The following PGBD2 variants were observed in gnomAD, a reference collection of about 807,000 sequenced individuals.
The protein encoded by PGBD2 is piggyBac transposable element-derived protein 2.
PGBD2 carries 6 observed loss-of-function variants against 8.1 expected under a neutral mutation model. That is an observed-to-expected ratio of 0.74 (90% CI 0.40 to 1.46). PGBD2 has a LOEUF of 1.46. Among genes scored for constraint, PGBD2 ranks in the 40% most tolerant of loss-of-function variants. PGBD2 has a pLI of 0.02. For synonymous variants in PGBD2, 318 were observed against 272.2 expected (o/e 1.17, Z -1.66); for missense variants, 802 against 739.0 (o/e 1.09, Z -0.99).
At chr1:248,922,746 T>C (rs1242798708), downstream of PGBD2, among the ~76,000 whole-genome samples, 1 of 152,220 alleles carries the variant, frequency 6.6e-6, no homozygotes, top group Non-Finnish European at 1.5e-5. Flanking sequence ...TCTGTTTATG[T>C]GGTGGATTAC....
At chr1:248,908,402 G>A (rs913943837) in intron 1 of PGBD2, among the ~76,000 whole-genome samples, 3 of 152,152 alleles carry the variant, frequency 2.0e-5, no homozygotes, top group Admixed American at 6.5e-5. Context: ...TTAGTGAATG[G>A]CACCTCTGTG....
upstream of PGBD2, among the ~76,000 whole-genome samples, chr1:248,901,272 C>T (rs1055993767): frequency 5.9e-5 from 9 of 151,906 alleles, no homozygotes; most frequent in East Asian, 1.9e-4. Context: ...AAAAAAAAGT[C>T]CTAATAGCCA....
rs1439790897 is a variant in PGBD2, at chr1:248,918,700, G to T, written c.*337G>T. 1 of 168,540 alleles carries T rather than the reference G, an allele frequency of 5.9e-6. No individual in the cohort carries two copies. The highest frequency in any genetic ancestry group is 1.4e-5 in the Non-Finnish European group (1 of 69,180). The allele number at this position is 168,540 out of a possible 1,614,324, so 10.4% of individuals were successfully genotyped here. ...GGAAAACTTGCAAGAACAGTAAGAA[G>T]ACTTTACCATTGCATGCCATGGTTT... is the stretch of plus-strand genomic sequence containing the variant. On this transcript the variant is annotated 3_prime_UTR_variant, in exon 3 of 3. Transcript: ENST00000329291.
downstream of PGBD2, among the ~76,000 whole-genome samples, chr1:248,923,616 A>C (rs924002068): frequency 4.6e-5 from 7 of 152,248 alleles, no homozygotes; most frequent in African/African-American, 1.7e-4. Flanking sequence ...ACAAATAAAA[A>C]ACACTCTAGT....
chr1:248,896,507 C>T, the PGBD2 span, among the ~76,000 whole-genome samples: 6 of 152,048 alleles, frequency 3.9e-5, no homozygotes, highest in East Asian at 1.9e-4. Context: ...TGCAGTGGCA[C>T]GATCACAGCT....
the PGBD2 span, among the ~76,000 whole-genome samples, chr1:248,881,194 G>C: frequency 6.6e-6 from 1 of 152,268 alleles, no homozygotes; most frequent in Non-Finnish European, 1.5e-5. Flanking sequence ...AAGCAGTTTA[G>C]AAATGAGAGG....
chr1:248,907,014 CCA>C (rs1182233844), intron 1 of PGBD2, among the ~76,000 whole-genome samples: 8 of 152,182 alleles, frequency 5.3e-5, no homozygotes, highest in African/African-American at 1.9e-4. Context: ...TATAGAGAAA[CCA>C]CAGTGGGCCC....
the PGBD2 span, among the ~76,000 whole-genome samples, chr1:248,929,308 G>A: frequency 1.3e-5 from 2 of 151,906 alleles, no homozygotes; most frequent in Middle Eastern, 3.2e-3. Context: ...TTGCAATCCG[G>A]GTGGAAGTTC....
At chr1:248,905,989 C>G (rs753617305), upstream of PGBD2, among the ~76,000 whole-genome samples, 1 of 152,140 alleles carries the variant, frequency 6.6e-6, no homozygotes, top group Non-Finnish European at 1.5e-5. Context: ...CCATGCTCTC[C>G]TGATTAGGAA....
chr1:248,893,387 C>T, the PGBD2 span, among the ~76,000 whole-genome samples: 5 of 152,146 alleles, frequency 3.3e-5, no homozygotes, highest in Non-Finnish European at 7.4e-5. Context: ...TCCCTCTCCC[C>T]CATCTCCTGG....
chr1:248,922,517 G>T (rs1037293616), downstream of PGBD2, among the ~76,000 whole-genome samples: 3 of 152,150 alleles, frequency 2.0e-5, no homozygotes, highest in Non-Finnish European at 4.4e-5. Flanking sequence ...GCAAGAGAGG[G>T]CATCCTTGTC....
intron 1 of PGBD2, among the ~76,000 whole-genome samples, chr1:248,913,599 C>G (rs181455671): frequency 8.1e-4 from 124 of 152,294 alleles, no homozygotes; most frequent in African/African-American, 1.8e-3. Context: ...GAAGACTCAT[C>G]TAGCCCCAAA....
At chr1:248,925,951 C>T in the PGBD2 span, among the ~76,000 whole-genome samples, 1 of 152,112 alleles carries the variant, frequency 6.6e-6, no homozygotes. Context: ...CTCACAGGCT[C>T]CACTTCTCTG....
intron 1 of PGBD2, among the ~76,000 whole-genome samples, chr1:248,909,881 C>T (rs1488558465): frequency 6.6e-6 from 1 of 152,116 alleles, no homozygotes; most frequent in Admixed American, 6.5e-5. Flanking sequence ...AGAACTGGGT[C>T]GGGATGAGGC....
At chr1:248,911,742 G>T (rs945897703) in intron 1 of PGBD2, among the ~76,000 whole-genome samples, 1 of 150,462 alleles carries the variant, frequency 6.6e-6, no homozygotes, top group Non-Finnish European at 1.5e-5. Context: ...CTGGCCGGGC[G>T]GGGGGCTGAC....
downstream of PGBD2, among the ~76,000 whole-genome samples, chr1:248,923,097 T>C (rs1350877308): frequency 2.6e-5 from 4 of 152,170 alleles, no homozygotes. Flanking sequence ...TGGACTTTTT[T>C]TGGTTGGTAG....
At chr1:248,876,448 T>C in the PGBD2 span, among the ~76,000 whole-genome samples, 1 of 152,254 alleles carries the variant, frequency 6.6e-6, no homozygotes, top group Non-Finnish European at 1.5e-5. Flanking sequence ...GTTTCCAGTG[T>C]TGTGTTCTTA....
the PGBD2 span, among the ~76,000 whole-genome samples, chr1:248,875,630 A>G: frequency 3.3e-5 from 5 of 152,214 alleles, no homozygotes. Context: ...TTGTAATATT[A>G]TGAGCCTATG....
the PGBD2 span, among the ~76,000 whole-genome samples, chr1:248,878,227 T>C: frequency 6.6e-6 from 1 of 151,756 alleles, no homozygotes; most frequent in Non-Finnish European, 1.5e-5. Context: ...TCGCCCAGGC[T>C]GGAGTGCAGG....
Sources: allele counts gnomAD v4.1 joint callset (sites outside exome capture counted in the v4.1 genomes callset), GRCh38; gene constraint gnomAD v4.1.1; transcripts MANE v1.5; gene names NCBI Gene and HGNC (gene_info 2026-07-23, HGNC 2026-07-21).